Variants in PTPRD observed in about 807,000 individuals in gnomAD.
The protein encoded by PTPRD is receptor-type tyrosine-protein phosphatase delta.
Under a neutral mutation model 214.5 loss-of-function variants are expected in PTPRD, and 34 were observed. The ratio of observed to expected loss-of-function variants is 0.16; its 90% confidence interval spans 0.12 to 0.21. The LOEUF is 0.21. PTPRD is among the 10% of genes least tolerant of loss of function. The pLI is 1.00. For synonymous variants in PTPRD, 1,128 were observed against 845.7 expected (o/e 1.33, Z -5.79); for missense variants, 2,545 against 2,398.7 (o/e 1.06, Z -1.27).
rs150559570 is a variant in PTPRD at position 9,958,314 on chromosome 9, G to A, written c.-471-19704C>T. 3.5e-4 allele frequency among the ~76,000 whole-genome samples: 54 copies of A among 152,252 alleles called. No homozygotes were observed. In the East Asian group the frequency reaches 8.9e-3, roughly 25 times the overall value. On this transcript the variant is annotated intron_variant, in intron 4 of 45. Transcript: ENST00000381196. ...GGAGGCTGAGGTGGGTGGATCACCTGAGGTCAGGAGTTCAAGGCCAGCCTG... is the reference window on the plus strand; with the variant it reads ...GGAGGCTGAGGTGGGTGGATCACCTAAGGTCAGGAGTTCAAGGCCAGCCTG...
intron 12 of PTPRD, among the ~76,000 whole-genome samples, chr9:8,651,558 T>C (rs969431081): frequency 2.0e-5 from 3 of 152,316 alleles, no homozygotes; most frequent in East Asian, 1.9e-4. Flanking sequence ...TGTAGTTCTT[T>C]TGCTTTTTTT....
intron 3 of PTPRD, among the ~76,000 whole-genome samples, chr9:10,191,037 C>G (rs1402641752): frequency 6.6e-6 from 1 of 151,996 alleles, no homozygotes; most frequent in Non-Finnish European, 1.5e-5. Context: ...TAATTGGCCT[C>G]TCAACTTTTT....
At chr9:10,323,665 T>C (rs2096594994) in intron 3 of PTPRD, among the ~76,000 whole-genome samples, 1 of 151,848 alleles carries the variant, frequency 6.6e-6, no homozygotes, top group African/African-American at 2.4e-5. Context: ...AATTTAATAT[T>C]GATAATAAAT....
intron 3 of PTPRD, among the ~76,000 whole-genome samples, chr9:10,245,476 C>T (rs2091926226): frequency 6.6e-6 from 1 of 152,138 alleles, no homozygotes; most frequent in South Asian, 2.1e-4. Context: ...AATTAATACT[C>T]ACTGATGGCC....
chr9:10,076,048 C>A (rs2098127285), intron 3 of PTPRD, among the ~76,000 whole-genome samples: 1 of 152,086 alleles, frequency 6.6e-6, no homozygotes, highest in African/African-American at 2.4e-5. Context: ...ATTCTGGCCT[C>A]AGTACCTCCA....
chr9:8,751,568 T>C (rs2093535620), intron 11 of PTPRD, among the ~76,000 whole-genome samples: 1 of 152,176 alleles, frequency 6.6e-6, no homozygotes, highest in Non-Finnish European at 1.5e-5. Context: ...CTTCCAATAA[T>C]TCAAACATTC....
At chr9:8,401,587 A>T (rs1225729064) in intron 36 of PTPRD, among the ~76,000 whole-genome samples, 4 of 152,148 alleles carry the variant, frequency 2.6e-5, no homozygotes, top group Non-Finnish European at 5.9e-5. Flanking sequence ...ATTTGGAAAG[A>T]TGTCACCAAG....
At chr9:9,018,560 T>C (rs1361555278) in intron 11 of PTPRD, 137 bp downstream of exon 11, 1 of 152,224 alleles carries the variant, frequency 6.6e-6, no homozygotes, top group East Asian at 1.9e-4. Flanking sequence ...GAACGTTCAC[T>C]TTTATTCCTT....
At chr9:9,804,233 GAAGT>G (rs1490169499) in intron 5 of PTPRD, among the ~76,000 whole-genome samples, 1 of 151,940 alleles carries the variant, frequency 6.6e-6, no homozygotes, top group East Asian at 1.9e-4. Context: ...CTTTGATTCT[GAAGT>G]AAGACAAGAT....
At chr9:9,399,422 T>A (rs2069253251) in intron 8 of PTPRD, among the ~76,000 whole-genome samples, 1 of 152,042 alleles carries the variant, frequency 6.6e-6, no homozygotes, top group Non-Finnish European at 1.5e-5. Context: ...CTCTAAAGTA[T>A]TTGTGATTTA....
intron 9 of PTPRD, among the ~76,000 whole-genome samples, chr9:9,246,657 C>T (rs967765375): frequency 1.3e-5 from 2 of 151,962 alleles, no homozygotes; most frequent in Non-Finnish European, 2.9e-5. Flanking sequence ...CTGCTCACAC[C>T]ATATAGCAGC....
intron 12 of PTPRD, among the ~76,000 whole-genome samples, chr9:8,648,460 T>G (rs1380445110): frequency 6.6e-6 from 1 of 152,148 alleles, no homozygotes; most frequent in African/African-American, 2.4e-5. Context: ...ATAGACAAAA[T>G]CTGTGAAGTC....
At chr9:9,876,228 G>C (rs1422247893) in intron 5 of PTPRD, among the ~76,000 whole-genome samples, 1 of 152,060 alleles carries the variant, frequency 6.6e-6, no homozygotes, top group East Asian at 1.9e-4. Flanking sequence ...AGGAAACTTA[G>C]TTGTACACAA....
At chr9:8,994,332 C>A (rs1182828661) in intron 11 of PTPRD, among the ~76,000 whole-genome samples, 2 of 152,224 alleles carry the variant, frequency 1.3e-5, no homozygotes, top group African/African-American at 4.8e-5. Context: ...TCTTTAATGA[C>A]AATTGCCAGG....
At chr9:10,141,451 A>C (rs199618885) in intron 3 of PTPRD, among the ~76,000 whole-genome samples, 2 of 151,362 alleles carry the variant, frequency 1.3e-5, no homozygotes, top group South Asian at 2.1e-4. Flanking sequence ...CTCTTATACA[A>C]CAACAAGAGA....
intron 10 of PTPRD, among the ~76,000 whole-genome samples, chr9:9,063,103 T>C (rs961932705): frequency 2.0e-5 from 3 of 152,142 alleles, no homozygotes; most frequent in Admixed American, 6.6e-5. Context: ...GTGAGAGGAA[T>C]GAACATTGAG....
rs558498156 is a variant in PTPRD at position 8,879,363 on chromosome 9, G to T, written c.-104+139334C>A. Among the ~76,000 whole-genome samples the T allele has an allele frequency of 2.6e-5, 4 of 152,248 alleles. No individual in the cohort carries two copies. The South Asian group carries it at 8.3e-4, about 32-fold the overall frequency. ...CATACAATGTGATTGGGCCCAATAG[G>T]CTTGGCTCTGCATTCATTTTTTCAT... On this transcript the variant is annotated intron_variant, in intron 11 of 45. Coordinates refer to ENST00000381196, the MANE Select transcript of PTPRD (RefSeq NM_002839.4).
rs1595296878 is a variant in PTPRD, at chr9:9,292,664, C to A, written c.-203+104785G>T. ...ATTGCCTTAGTTATTACCTAATGTC[C>A]TTTTTCTGTTCCAGGATTCCATCCA... On this transcript the variant is annotated intron_variant, in intron 9 of 45. Transcript: ENST00000381196. 2.6e-5 allele frequency among the ~76,000 whole-genome samples: 4 copies of A among 151,370 alleles called. No homozygotes were observed. In the East Asian group the frequency reaches 7.9e-4, roughly 30 times the overall value.
intron 11 of PTPRD, among the ~76,000 whole-genome samples, chr9:8,792,322 G>A (rs1382706580): frequency 1.3e-5 from 2 of 152,126 alleles, no homozygotes; most frequent in African/African-American, 4.8e-5. Flanking sequence ...CATCCATAGG[G>A]GAAATGAGTT....
Sources: allele counts gnomAD v4.1 joint callset (sites outside exome capture counted in the v4.1 genomes callset), GRCh38; gene constraint gnomAD v4.1.1; transcripts MANE v1.5; gene names NCBI Gene and HGNC (gene_info 2026-07-23, HGNC 2026-07-21).